Variants in PIK3R3 observed in about 807,000 individuals in gnomAD.
The protein encoded by PIK3R3 is phosphoinositide-3-kinase regulatory subunit 3, also known as phosphatidylinositol 3-kinase regulatory subunit gamma.
A neutral mutation model predicts 62.9 loss-of-function variants in PIK3R3; 64 were observed. That is an observed-to-expected ratio of 1.02 (90% CI 0.83 to 1.25). The LOEUF is 1.25. Among genes scored for constraint, PIK3R3 ranks in the 50% most tolerant of loss-of-function variants. The pLI is 0.00. For synonymous variants in PIK3R3, 165 were observed against 189.0 expected (o/e 0.87, Z 1.04); for missense variants, 614 against 561.6 (o/e 1.09, Z -0.94).
upstream of PIK3R3, chr1:46,134,530 G>A (rs1655858977): frequency 6.6e-6 from 1 of 152,160 alleles, no homozygotes; most frequent in Admixed American, 6.5e-5. Context: ...ATTCCTTACA[G>A]GTAGAAGATA....
chr1:46,162,420 G>A, the PIK3R3 span, among the ~76,000 whole-genome samples: 4 of 151,898 alleles, frequency 2.6e-5, no homozygotes, highest in African/African-American at 7.3e-5. Flanking sequence ...GCAGTGAACC[G>A]AGATCGTCCC....
intron 1 of PIK3R3, among the ~76,000 whole-genome samples, chr1:46,115,489 A>G (rs1339350057): frequency 6.6e-6 from 1 of 152,230 alleles, no homozygotes; most frequent in Admixed American, 6.5e-5. Context: ...TAGGACACAC[A>G]GTTAAATTTG....
At chr1:46,060,421 CAG>C (rs1453208403) in intron 6 of PIK3R3, among the ~76,000 whole-genome samples, 3 of 152,074 alleles carry the variant, frequency 2.0e-5, no homozygotes, top group African/African-American at 7.2e-5. Context: ...ACCCAGGAGA[CAG>C]AGGTTGCAGT....
intron 3 of PIK3R3, among the ~76,000 whole-genome samples, chr1:46,074,303 A>AC (rs1649848784): frequency 4.8e-5 from 7 of 145,248 alleles, no homozygotes; most frequent in Admixed American, 2.1e-4. Context: ...AAAAAAAAAA[A>AC]AAAAAAAAAA....
chr1:46,076,256 A>T (rs1308979705), intron 3 of PIK3R3, among the ~76,000 whole-genome samples: 1 of 152,240 alleles, frequency 6.6e-6, no homozygotes, highest in African/African-American at 2.4e-5. Flanking sequence ...GAATACAGAG[A>T]AGAAAAAGAG....
At chr1:46,072,648 T>C (rs785513) in intron 3 of PIK3R3, among the ~76,000 whole-genome samples, 100,899 of 152,124 alleles carry the variant, frequency 0.66, 33,774 homozygotes, top group Non-Finnish European at 0.71. Flanking sequence ...AGCATATTCA[T>C]CTATTAAATA....
the PIK3R3 span, among the ~76,000 whole-genome samples, chr1:46,150,151 A>G: frequency 3.9e-5 from 6 of 152,266 alleles, no homozygotes; most frequent in African/African-American, 1.4e-4. Flanking sequence ...CCATCCCTTC[A>G]TATTGATGAC....
chr1:46,088,087 T>C (rs1474970459), intron 1 of PIK3R3, among the ~76,000 whole-genome samples: 1 of 152,210 alleles, frequency 6.6e-6, no homozygotes, highest in African/African-American at 2.4e-5. Flanking sequence ...TTAAACATTT[T>C]TAAATGGTTA....
In PIK3R3 at chr1:46,040,394, G is replaced by A. The variant is rs532840922; in HGVS notation, c.*3279C>T. The A allele has an allele frequency of 2.5e-4, 58 of 230,782 alleles. 1 individual carries two copies. The South Asian group carries it at 8.9e-3, about 35-fold the overall frequency. The allele number at this position is 230,782 out of a possible 1,614,324, so 14.3% of individuals were successfully genotyped here. ...TTTCTTGTGAGTCAGATATTTTTAC[G>A]TAAACTACACGAATTTTCTTGGACA... On this transcript the variant is annotated 3_prime_UTR_variant, in exon 10 of 10. Transcript: ENST00000262741.
In PIK3R3 at chr1:46,101,154, A is replaced by C. The variant is rs189525507; in HGVS notation, c.107-20404T>G. 1.2e-3 allele frequency among the ~76,000 whole-genome samples: 173 copies of C among 146,382 alleles called. 3 individuals carry two copies. The East Asian group carries it at 0.025, about 22-fold the overall frequency. On this transcript the variant is annotated intron_variant, in intron 1 of 9. Coordinates refer to ENST00000262741, the MANE Select transcript of PIK3R3 (RefSeq NM_003629.4). ...ACCACTGCACTCCAGCCTGGGAAAC[A>C]AAGCAAGACTCCGTCTCAAAAAAAA...
chr1:46,077,551 G>A lies in PIK3R3; in HGVS notation c.278C>T (p.Ser93Leu), dbSNP rs376845877. 6.2e-7 allele frequency: 1 copy of A among 1,612,266 alleles called. No homozygotes were observed. The highest frequency in any genetic ancestry group is 8.5e-7 in the Non-Finnish European group (1 of 1,178,448). Residue 93 changes from serine to leucine, a missense_variant, in exon 3 of 10, where the codon TCA becomes TTA. Transcript: ENST00000262741. Reference protein sequence around the residue: ...PDGTFLVRDASTKMQGDYTLT... With the variant: ...PDGTFLVRDALTKMQGDYTLT... ...AGTATAATCTCCCTGCATTTTTGTT[G>A]AGGCATCTCGGACCAAGAAGGTCCC...
chr1:46,102,401 G>T (rs1052009651), intron 1 of PIK3R3, among the ~76,000 whole-genome samples: 1 of 152,050 alleles, frequency 6.6e-6, no homozygotes, highest in Non-Finnish European at 1.5e-5. Context: ...ACTGTATAGT[G>T]GTCTTGGATC....
chr1:46,051,770 A>AT (rs1307521435), intron 7 of PIK3R3, among the ~76,000 whole-genome samples: 1 of 152,216 alleles, frequency 6.6e-6, no homozygotes, highest in East Asian at 1.9e-4. Flanking sequence ...ACAACCAAAT[A>AT]GATGCCTGAA....
chr1:46,173,866 T>C, the PIK3R3 span, among the ~76,000 whole-genome samples: 1 of 152,106 alleles, frequency 6.6e-6, no homozygotes, highest in African/African-American at 2.4e-5. Context: ...CATGAGTGCA[T>C]GCACACACAC....
At chr1:46,110,259 A>G (rs1443354387) in intron 1 of PIK3R3, among the ~76,000 whole-genome samples, 4 of 129,854 alleles carry the variant, frequency 3.1e-5, no homozygotes, top group Non-Finnish European at 6.8e-5. Flanking sequence ...CTACAGGCAC[A>G]TGCCACCAGG....
intron 6 of PIK3R3, 145 bp from the exon 7 acceptor site, chr1:46,056,116 T>C: frequency 1.9e-6 from 1 of 537,408 alleles, no homozygotes; most frequent in Non-Finnish European, 3.2e-6. Context: ...AGTGGCATGA[T>C]CTCGGCTCAC....
the PIK3R3 span, among the ~76,000 whole-genome samples, chr1:46,164,250 C>T: frequency 1.3e-5 from 2 of 152,164 alleles, no homozygotes; most frequent in Non-Finnish European, 2.9e-5. Context: ...AATAGCACCA[C>T]CCAGGACCCA....
At chr1:46,137,539 C>T (rs531478692), upstream of PIK3R3, among the ~76,000 whole-genome samples, 7 of 152,288 alleles carry the variant, frequency 4.6e-5, no homozygotes, top group South Asian at 6.2e-4. Context: ...GAAAAAGTTT[C>T]GTCGAAAGCT....
chr1:46,110,066 CATAAA>C (rs1235360192), intron 1 of PIK3R3, among the ~76,000 whole-genome samples: 5 of 151,998 alleles, frequency 3.3e-5, no homozygotes, highest in Non-Finnish European at 5.9e-5. Context: ...TCCTGTACCT[CATAAA>C]ATGCCCATCC....
Sources: allele counts gnomAD v4.1 joint callset (sites outside exome capture counted in the v4.1 genomes callset), GRCh38; gene constraint gnomAD v4.1.1; transcripts MANE v1.5; gene names NCBI Gene and HGNC (gene_info 2026-07-23, HGNC 2026-07-21).